SIPA1: variants seen among roughly 807,000 people sequenced by gnomAD.
SIPA1 encodes signal-induced proliferation-associated 1, also known as signal-induced proliferation-associated protein 1.
SIPA1 carries 51 observed loss-of-function variants against 88.1 expected under a neutral mutation model. The observed-to-expected ratio is 0.58, with a 90% confidence interval of 0.46 to 0.73. SIPA1 has a LOEUF of 0.73. Among genes scored for constraint, SIPA1 ranks in the 30% least tolerant of loss-of-function variants. The pLI, the probability that SIPA1 is intolerant of heterozygous loss-of-function variation, is 0.00. For missense variants in SIPA1, 1,348 were observed against 1,467.6 expected (o/e 0.92, Z 1.33); for synonymous variants, 681 against 664.8 (o/e 1.02, Z -0.37).
In SIPA1 at chr11:65,647,876, T is replaced by C. The variant is rs568818546; in HGVS notation, c.2306+218T>C. 6.2e-3 allele frequency among the ~76,000 whole-genome samples: 912 copies of C among 147,258 alleles called. 3 individuals carry two copies. The highest frequency in any genetic ancestry group is 8.7e-3 in the Non-Finnish European group (578 of 66,272). ...TCCTTCCTCTCTCTCTCCTCTCTCT[T>C]TTTTTTTTTTTTGAGACGAAGTATC... On this transcript the variant is annotated intron_variant, in intron 9 of 15. Coordinates refer to ENST00000534313, the MANE Select transcript of SIPA1 (RefSeq NM_006747.4).
intron 8 of SIPA1, 81 bp downstream of exon 8, chr11:65,647,146 T>TC (rs1856140254): frequency 2.1e-6 from 3 of 1,417,316 alleles, no homozygotes; most frequent in East Asian, 5.3e-5. Flanking sequence ...GCCGCCTTTG[T>TC]CCCCTACTCC....
intron 9 of SIPA1, among the ~76,000 whole-genome samples, chr11:65,648,871 G>A (rs193276851): frequency 9.1e-4 from 139 of 151,976 alleles, no homozygotes; most frequent in African/African-American, 3.1e-3. Flanking sequence ...TGCTTAGCTC[G>A]CAGTACAGAA....
Position 65,646,137 on chromosome 11 carries a change from G to A in SIPA1, c.1264-84G>A, listed in dbSNP as rs909823010. ...ACCAGGGGCAGTGGGGGAGCCATTG[G>A]TGCCTTGGCTTTCTCCTGCCTGAAT... On this transcript the variant is annotated intron_variant, in intron 6 of 15. Coordinates refer to ENST00000534313, the MANE Select transcript of SIPA1 (RefSeq NM_006747.4). The surrounding 1 kb of genome is among the most constrained non-coding windows in gnomAD (Gnocchi z 7.5). The A allele has an allele frequency of 4.6e-6, 7 of 1,510,368 alleles. No homozygotes were observed. Among genetic ancestry groups the A allele is most frequent in the African/African-American group, 4.1e-5 (3 of 73,194 alleles). The allele number at this position is 1,510,368 out of a possible 1,614,324, so 93.6% of individuals were successfully genotyped here.
At chr11:65,644,627 G>A (rs1340171362) in intron 4 of SIPA1, among the ~76,000 whole-genome samples, 1 of 151,908 alleles carries the variant, frequency 6.6e-6, no homozygotes, top group African/African-American at 2.4e-5. Flanking sequence ...CAGGGGCTGG[G>A]GTGGGGGTGC....
At position 65,646,397 on chromosome 11, in the gene SIPA1, C is replaced by T. The variant is rs1856115780; in HGVS notation, c.1421+19C>T. The T allele has an allele frequency of 1.9e-6, 3 of 1,605,004 alleles. No homozygotes were observed. The highest frequency in any genetic ancestry group is 2.5e-6 in the Non-Finnish European group (3 of 1,178,666). On this transcript the variant is annotated intron_variant, in intron 7 of 15. Coordinates refer to ENST00000534313, the MANE Select transcript of SIPA1 (RefSeq NM_006747.4). This position sits in a 1 kb window ranked among gnomAD's most constrained non-coding sequence, Gnocchi z 7.5. ...CCTACAGGTGGGCACCGGAGTGGTCCCAGGTCTCCCGTGGGCATGGAGTCC... is the reference window on the plus strand; with the variant it reads ...CCTACAGGTGGGCACCGGAGTGGTCTCAGGTCTCCCGTGGGCATGGAGTCC...
In SIPA1 at chr11:65,646,041, G is replaced by T; in HGVS notation, c.1263+84G>T. On this transcript the variant is annotated intron_variant, in intron 6 of 15. Transcript: ENST00000534313. This position sits in a 1 kb window ranked among gnomAD's most constrained non-coding sequence, Gnocchi z 7.5. The stretch of plus-strand genomic sequence containing the variant: ...GCCCATGACGTTTGAGCTTTGGCCG[G>T]AGCTCTGTTGGCCCCAACAGCCCGC... 1 of 1,293,196 alleles carries T rather than the reference G, an allele frequency of 7.7e-7. No individual in the cohort carries two copies. The highest frequency in any genetic ancestry group is 1.1e-6 in the Non-Finnish European group (1 of 917,524). The allele number at this position is 1,293,196 out of a possible 1,614,324, so 80.1% of individuals were successfully genotyped here. A position where few individuals can be genotyped will look rare whatever the true frequency, so the allele number is the denominator to read the frequency against.
At position 65,646,616 on chromosome 11, in the gene SIPA1, G is replaced by GC. The variant is rs1856122899; in HGVS notation, c.1584dup (p.Thr529HisfsTer255). On this transcript the variant is annotated frameshift_variant, in exon 8 of 16. Transcript: ENST00000534313. LOFTEE classifies it high-confidence loss of function. The surrounding 1 kb of genome is among the most constrained non-coding windows in gnomAD (Gnocchi z 7.5). The stretch of plus-strand genomic sequence containing the variant: ...CCACGCGCGCCAGTTCCACGCCATG[G>GC]CCACGCGCACCCGCCAGCAGTACCT... 6.5e-7 allele frequency: 1 copy of GC among 1,543,966 alleles called. No individual in the cohort carries two copies. Among genetic ancestry groups the GC allele is most frequent in the African/African-American group, 1.4e-5 (1 of 73,160 alleles).
At chr11:65,645,438 T>C (rs1305029863) in intron 5 of SIPA1, among the ~76,000 whole-genome samples, 2 of 151,984 alleles carry the variant, frequency 1.3e-5, no homozygotes, top group African/African-American at 4.8e-5. Context: ...ACCTCCCTGG[T>C]GGAAGGGGCC....
chr11:65,646,076 G>T lies in SIPA1; in HGVS notation c.1263+119G>T. ...GGCCCCAACAGCCCGCCCCTCTGGT[G>T]GCCCCTTCCCAAAGACAGAAACACC... On this transcript the variant is annotated intron_variant, in intron 6 of 15. Transcript: ENST00000534313. The surrounding 1 kb of genome is among the most constrained non-coding windows in gnomAD (Gnocchi z 7.5). The T allele has an allele frequency of 7.9e-7, 1 of 1,265,900 alleles. No homozygotes were observed. Among genetic ancestry groups the T allele is most frequent in the East Asian group, 2.4e-5 (1 of 42,378 alleles). 78.4% of individuals were successfully genotyped at this position (1,265,900 alleles called of 1,614,324 possible).
At chr11:65,647,107 G>C (rs766245002) in intron 8 of SIPA1, 42 bp downstream of exon 8, 6 of 1,450,768 alleles carry the variant, frequency 4.1e-6, no homozygotes, top group Non-Finnish European at 5.4e-6. Context: ...GCGCGGCGGG[G>C]CGGAGCCTGC....
chr11:65,642,143 T>C lies in SIPA1; in HGVS notation c.680-107T>C. The C allele has an allele frequency of 7.0e-7, 1 of 1,426,066 alleles. No homozygotes were observed. Among genetic ancestry groups the C allele is most frequent in the Non-Finnish European group, 9.4e-7 (1 of 1,058,726 alleles). 88.3% of individuals were successfully genotyped at this position (1,426,066 alleles called of 1,614,324 possible). A position where few individuals can be genotyped will look rare whatever the true frequency, so the allele number is the denominator to read the frequency against. ...CGGGACTTAGTCTAGGGTCAACATT[T>C]GGTGGTGAGATGAAGCCTAGGGCGG... On this transcript the variant is annotated intron_variant, in intron 2 of 15. Coordinates refer to ENST00000534313, the MANE Select transcript of SIPA1 (RefSeq NM_006747.4). This position sits in a 1 kb window ranked among gnomAD's most constrained non-coding sequence, Gnocchi z 6.5.
intron 9 of SIPA1, among the ~76,000 whole-genome samples, chr11:65,648,254 C>CT (rs1009153527): frequency 1.7e-4 from 25 of 151,504 alleles, no homozygotes; most frequent in Admixed American, 4.0e-4. Flanking sequence ...CCCCCACTAT[C>CT]TTTTTTTTTA....
At chr11:65,645,979 G>A (rs757428322) in intron 6 of SIPA1, 22 bp downstream of exon 6, 1 of 1,568,356 alleles carries the variant, frequency 6.4e-7, no homozygotes, top group Non-Finnish European at 8.7e-7. Context: ...ACCAACGTGG[G>A]GGTGGGGCTT....
rs1453386268 is a variant in SIPA1, at chr11:65,642,597, A to G, written c.942A>G (p.Ser314=). 17 of 1,592,954 alleles carry G rather than the reference A, an allele frequency of 1.1e-5. No homozygotes were observed. The highest frequency in any genetic ancestry group is 1.4e-5 in the Non-Finnish European group (16 of 1,175,420). Residue 314 remains serine, a synonymous_variant, in exon 4 of 16, where the codon TCA becomes TCG. Transcript: ENST00000534313. The surrounding 1 kb of genome is among the most constrained non-coding windows in gnomAD (Gnocchi z 6.5). ...GCTGCCTGCGCCTGGGCTCAGCTTC[A>G]CCCAAGGTACCACGGACGCTGCTCA... The part of the protein sequence containing the change: ...SPSCLRLGSA[S]PKVPRTLLTL...
intron 10 of SIPA1, 21 bp downstream of exon 10, chr11:65,649,501 C>T (rs746180916): frequency 1.8e-5 from 29 of 1,613,672 alleles, no homozygotes; most frequent in Non-Finnish European, 2.5e-5. Context: ...TTGGCCTTCC[C>T]TCTCCTCCAG....
At position 65,642,660 on chromosome 11, in the gene SIPA1, C is replaced by A; in HGVS notation, c.984+21C>A. On this transcript the variant is annotated intron_variant, in intron 4 of 15. Coordinates refer to ENST00000534313, the MANE Select transcript of SIPA1 (RefSeq NM_006747.4). This position sits in a 1 kb window ranked among gnomAD's most constrained non-coding sequence, Gnocchi z 6.5. Reference sequence around the variant, plus strand: ...AAGTGGTGAGTGGCGGGCCGCGGAGCCCCCAGCCATACAGCTGGCCCCAGT... The same window carrying A: ...AAGTGGTGAGTGGCGGGCCGCGGAGACCCCAGCCATACAGCTGGCCCCAGT... The A allele has an allele frequency of 6.6e-7, 1 of 1,507,516 alleles. No homozygotes were observed. The highest frequency in any genetic ancestry group is 1.2e-5 in the South Asian group (1 of 81,406). The allele number at this position is 1,507,516 out of a possible 1,614,324, so 93.4% of individuals were successfully genotyped here.
intron 5 of SIPA1, among the ~76,000 whole-genome samples, 159 bp downstream of exon 5, chr11:65,645,288 T>C (rs556887030): frequency 1.3e-5 from 2 of 152,242 alleles, no homozygotes; most frequent in Non-Finnish European, 2.9e-5. Context: ...GGCCAAGCTA[T>C]GGGCTGAAAA....
chr11:65,650,799 CTT>C lies in SIPA1; in HGVS notation c.*85_*86del. On this transcript the variant is annotated 3_prime_UTR_variant, in exon 16 of 16. Coordinates refer to ENST00000534313, the MANE Select transcript of SIPA1 (RefSeq NM_006747.4). Reference sequence around the variant, plus strand: ...GAACTCTCCCTGCGCAGAGGCGTGTCTTAGCACTGCCCCCCTCCCTAGCCCCT... The same window carrying C: ...GAACTCTCCCTGCGCAGAGGCGTGTCAGCACTGCCCCCCTCCCTAGCCCCT... 1.5e-6 allele frequency: 2 copies of C among 1,363,188 alleles called. No individual in the cohort carries two copies. The highest frequency in any genetic ancestry group is 1.9e-6 in the Non-Finnish European group (2 of 1,028,134). 84.4% of individuals were successfully genotyped at this position (1,363,188 alleles called of 1,614,324 possible).
At position 65,641,527 on chromosome 11, in the gene SIPA1, C is replaced by T. The variant is rs1351227423; in HGVS notation, c.606C>T (p.Asn202=). 7 of 1,612,444 alleles carry T rather than the reference C, an allele frequency of 4.3e-6. No homozygotes were observed. In the South Asian group the frequency reaches 5.5e-5, roughly 13 times the overall value. Residue 202 remains asparagine (N), a synonymous_variant, in exon 2 of 16, where the codon AAC becomes AAT. Transcript: ENST00000534313. ...AAVSILEEPQ[N]RTSAYSLEHA... ...TGTCCATCCTGGAGGAGCCACAGAACCGAACCTCGGCCTACAGCCTGGAGC... is the reference window on the plus strand; with the variant it reads ...TGTCCATCCTGGAGGAGCCACAGAATCGAACCTCGGCCTACAGCCTGGAGC...
Sources: gnomAD v4.1 joint callset for allele counts (sites outside exome capture counted in the v4.1 genomes callset) on GRCh38, gnomAD v4.1.1 for gene constraint, Gnocchi (gnomAD v3.1) non-coding constraint, MANE v1.5 for transcripts, NCBI Gene and HGNC (gene_info 2026-07-23, HGNC 2026-07-21) for gene names.